Variants in LITAF observed in about 807,000 individuals in gnomAD.
The protein encoded by LITAF is lipopolysaccharide induced TNF factor, also known as lipopolysaccharide-induced tumor necrosis factor-alpha factor.
Under a neutral mutation model 14.5 loss-of-function variants are expected in LITAF, and 9 were observed. The ratio of observed to expected loss-of-function variants is 0.62; its 90% CI spans 0.37 to 1.08. The LOEUF (loss-of-function observed/expected upper bound fraction) is 1.08. LITAF is among the 50% of genes least tolerant of loss of function. The pLI, the probability that LITAF is intolerant of heterozygous loss-of-function variation, is 0.01. For synonymous variants in LITAF, 98 were observed against 88.2 expected (o/e 1.11, Z -0.62); for missense variants, 206 against 213.4 (o/e 0.97, Z 0.22).
chr16:11,587,381 G>C (rs1001146652), upstream of LITAF: 12 of 453,768 alleles, frequency 2.6e-5, no homozygotes, highest in African/African-American at 2.4e-4. Flanking sequence ...CCCTCTGGAG[G>C]GCGGCCCTTC....
At chr16:11,570,516 G>C (rs1349884362) in intron 1 of LITAF, among the ~76,000 whole-genome samples, 1 of 152,170 alleles carries the variant, frequency 6.6e-6, no homozygotes, top group Non-Finnish European at 1.5e-5. Flanking sequence ...TACCCGCAGT[G>C]TGGGCGACAG....
In LITAF at chr16:11,549,742, G is replaced by A. The variant is rs1183927285; in HGVS notation, c.381C>T (p.Cys127=). The A allele has an allele frequency of 6.8e-6, 11 of 1,611,940 alleles. No homozygotes were observed. The highest frequency in any genetic ancestry group is 9.3e-6 in the Non-Finnish European group (11 of 1,178,758). ...AGGGGATGAAGCAGCAGCCCGCTAT[G>A]CACCTGGGAGGAGAGAGAGACACAC... is the stretch of plus-strand genomic sequence containing the variant. ...LSCGSLCLLG[C]IAGCCFIPFC... The change falls in exon 4 of 4, where the codon TGC becomes TGT. Residue 127 remains cysteine, a synonymous_variant. Transcript: ENST00000622633. The surrounding 1 kb of genome is among the most constrained non-coding windows in gnomAD (Gnocchi z 4.6).
Position 11,617,538 on chromosome 16 carries a change from T to A in LITAF, c.85+15995A>T, listed in dbSNP as rs562986435. 2.6e-3 allele frequency among the ~76,000 whole-genome samples: 390 copies of A among 151,406 alleles called. 2 individuals carry two copies. The highest frequency in any genetic ancestry group is 9.0e-3 in the African/African-American group (371 of 41,216). Reference sequence around the variant, plus strand: ...GCCTCCCGGGTTCAAGGGATTCTCTTGCCTCAGCCTCCCAAGTAGCTGGGA... The same window carrying A: ...GCCTCCCGGGTTCAAGGGATTCTCTAGCCTCAGCCTCCCAAGTAGCTGGGA... On this transcript the variant is annotated intron_variant, in intron 3 of 3. Transcript: ENST00000574848.
intron 1 of LITAF, among the ~76,000 whole-genome samples, chr16:11,574,801 GTTT>G (rs66512182): frequency 6.6e-6 from 1 of 151,196 alleles, no homozygotes; most frequent in Non-Finnish European, 1.5e-5. Flanking sequence ...TCAATATAAA[GTTT>G]TTTTTTTCTC....
At chr16:11,635,275 C>T (rs909324587) in intron 2 of LITAF, among the ~76,000 whole-genome samples, 3 of 152,274 alleles carry the variant, frequency 2.0e-5, no homozygotes, top group Non-Finnish European at 2.9e-5. Context: ...ATTGTGCAAA[C>T]GCTTGCATAG....
At chr16:11,550,176 T>A (rs1224034615) in intron 3 of LITAF, among the ~76,000 whole-genome samples, 2 of 152,098 alleles carry the variant, frequency 1.3e-5, no homozygotes, top group African/African-American at 4.8e-5. Context: ...CAATTCTCCC[T>A]CCTCCTGGGT....
chr16:11,579,365 G>C (rs1382656560), intron 1 of LITAF, among the ~76,000 whole-genome samples: 1 of 151,020 alleles, frequency 6.6e-6, no homozygotes, highest in African/African-American at 2.4e-5. Context: ...GCAGGAGAAT[G>C]GCGTGAACCC....
intron 3 of LITAF, among the ~76,000 whole-genome samples, chr16:11,606,134 A>T (rs527757075): frequency 6.6e-6 from 1 of 151,998 alleles, no homozygotes; most frequent in Non-Finnish European, 1.5e-5. Context: ...TATCCGTCCC[A>T]CATGGTTCCC....
In LITAF at chr16:11,549,339, C is replaced by T. The variant is rs752104689; in HGVS notation, c.*298G>A. ...TGATGGCAGATCACAGGAAGATATT[C>T]GGATAGGGCAATGATCACAGTTAGA... On this transcript the variant is annotated 3_prime_UTR_variant, in exon 4 of 4. Coordinates refer to ENST00000622633, the MANE Select transcript of LITAF (RefSeq NM_001136472.2). This position sits in a 1 kb window ranked among gnomAD's most constrained non-coding sequence, Gnocchi z 4.6. 37 of 474,520 alleles carry T rather than the reference C, an allele frequency of 7.8e-5. No individual in the cohort carries two copies. Among genetic ancestry groups the T allele is most frequent in the African/African-American group, 6.7e-4 (34 of 50,856 alleles). 29.4% of individuals were successfully genotyped at this position (474,520 alleles called of 1,614,324 possible).
intron 1 of LITAF, among the ~76,000 whole-genome samples, 177 bp from the exon 2 acceptor site, chr16:11,556,912 C>G (rs903164913): frequency 2.0e-5 from 3 of 152,094 alleles, no homozygotes; most frequent in Non-Finnish European, 2.9e-5. Context: ...CAGAATTAAT[C>G]AAAAAGTAAA....
chr16:11,582,682 G>C (rs1259392496), intron 1 of LITAF, among the ~76,000 whole-genome samples: 1 of 152,146 alleles, frequency 6.6e-6, no homozygotes, highest in African/African-American at 2.4e-5. Context: ...CATGCAAATT[G>C]TCAGGTCCCC....
intron 1 of LITAF, among the ~76,000 whole-genome samples, chr16:11,578,773 C>T (rs571098413): frequency 6.6e-6 from 1 of 152,372 alleles, no homozygotes; most frequent in Admixed American, 6.5e-5. Flanking sequence ...AAATATCAGA[C>T]AACCCTGATT....
chr16:11,575,055 G>A (rs1299647015), intron 1 of LITAF, among the ~76,000 whole-genome samples: 1 of 152,064 alleles, frequency 6.6e-6, no homozygotes, highest in Non-Finnish European at 1.5e-5. Flanking sequence ...CGCCCACCTC[G>A]GCCTCCCAAA....
chr16:11,631,159 G>A (rs570582390), intron 3 of LITAF, among the ~76,000 whole-genome samples: 107 of 152,316 alleles, frequency 7.0e-4, no homozygotes, highest in African/African-American at 2.5e-3. Flanking sequence ...TGCACTGCAG[G>A]AGAAGCTGCT....
chr16:11,581,597 C>T (rs988132135), intron 1 of LITAF, among the ~76,000 whole-genome samples: 6 of 151,822 alleles, frequency 4.0e-5, no homozygotes, highest in Non-Finnish European at 7.4e-5. Flanking sequence ...CCAGCCTGGC[C>T]AACAGAACAA....
intron 1 of LITAF, among the ~76,000 whole-genome samples, chr16:11,577,015 C>T (rs2064647494): frequency 1.3e-5 from 2 of 152,306 alleles, no homozygotes; most frequent in Non-Finnish European, 2.9e-5. Context: ...CTTTTCATGC[C>T]TGTTTCACAT....
intron 1 of LITAF, among the ~76,000 whole-genome samples, chr16:11,579,639 A>C (rs1373836845): frequency 6.6e-6 from 1 of 152,188 alleles, no homozygotes; most frequent in Non-Finnish European, 1.5e-5. Context: ...GAACAATAAC[A>C]TACCCTCATC....
chr16:11,589,145 T>C (rs529855735), upstream of LITAF, among the ~76,000 whole-genome samples: 97 of 152,268 alleles, frequency 6.4e-4, no homozygotes, highest in Non-Finnish European at 1.1e-3. Flanking sequence ...AGAGATTGAA[T>C]TTCCAACCCA....
At chr16:11,571,330 G>C (rs907094693) in intron 1 of LITAF, among the ~76,000 whole-genome samples, 1 of 152,182 alleles carries the variant, frequency 6.6e-6, no homozygotes, top group African/African-American at 2.4e-5. Flanking sequence ...GCCTCCCAAA[G>C]TGGTGGGATT....
Sources: allele counts gnomAD v4.1 joint callset (sites outside exome capture counted in the v4.1 genomes callset), GRCh38; gene constraint gnomAD v4.1.1; non-coding constraint Gnocchi (gnomAD v3.1); transcripts MANE v1.5; gene names NCBI Gene and HGNC (gene_info 2026-07-23, HGNC 2026-07-21).